Variants in OR52N4 observed in about 807,000 individuals in gnomAD.
OR52N4 encodes the protein olfactory receptor 52N4.
A neutral mutation model predicts 15.0 loss-of-function variants in OR52N4; 15 were observed. That is an observed-to-expected ratio of 1.00 (90% CI 0.67 to 1.54). OR52N4 has a LOEUF of 1.54. Ranked by LOEUF, OR52N4 falls within the 40% of genes most tolerant of loss-of-function variation. The pLI is 0.00. For synonymous variants in OR52N4, 143 were observed against 143.7 expected (o/e 1.00, Z 0.03); for missense variants, 421 against 394.0 (o/e 1.07, Z -0.58).
At chr11:5,732,151 G>T in the OR52N4 span, among the ~76,000 whole-genome samples, 1 of 152,160 alleles carries the variant, frequency 6.6e-6, no homozygotes, top group Non-Finnish European at 1.5e-5. Context: ...CTGTCTAACT[G>T]AACCTTTATA....
the OR52N4 span, among the ~76,000 whole-genome samples, chr11:5,740,590 T>C: frequency 1.7e-4 from 21 of 125,518 alleles, 5 homozygotes; most frequent in Admixed American, 6.1e-4. Flanking sequence ...AAGGGAGGTC[T>C]CTTGAGCCCA....
At chr11:5,752,551 T>A (rs61875862), upstream of OR52N4, among the ~76,000 whole-genome samples, 26,282 of 152,148 alleles carry the variant, frequency 0.17, 2,425 homozygotes, top group East Asian at 0.25. Context: ...CCAGCCTGAG[T>A]AGAAAATACA....
At chr11:5,744,035 G>C in the OR52N4 span, among the ~76,000 whole-genome samples, 1 of 152,052 alleles carries the variant, frequency 6.6e-6, no homozygotes, top group Non-Finnish European at 1.5e-5. Flanking sequence ...AACAATAAAA[G>C]TGATATGACA....
At chr11:5,750,957 A>G (rs1854177493), upstream of OR52N4, among the ~76,000 whole-genome samples, 1 of 151,954 alleles carries the variant, frequency 6.6e-6, no homozygotes, top group Non-Finnish European at 1.5e-5. Context: ...TCATATTAAC[A>G]TTGTCCCTCC....
At chr11:5,738,873 C>A in the OR52N4 span, among the ~76,000 whole-genome samples, 2 of 130,934 alleles carry the variant, frequency 1.5e-5, 1 homozygote, top group Non-Finnish European at 3.4e-5. Context: ...AACACATGCT[C>A]AGATTAATGC....
chr11:5,752,969 G>A (rs1854221010), upstream of OR52N4, among the ~76,000 whole-genome samples: 1 of 152,088 alleles, frequency 6.6e-6, no homozygotes, highest in Non-Finnish European at 1.5e-5. Context: ...TATGCATATA[G>A]TCATAGATTG....
the OR52N4 span, chr11:5,737,624 T>C: frequency 1.2e-6 from 1 of 800,430 alleles, no homozygotes; most frequent in Non-Finnish European, 1.8e-6. Flanking sequence ...TTGTGAAAGC[T>C]TCAGAAAAGA....
At chr11:5,738,517 A>T in the OR52N4 span, 1 of 151,972 alleles carries the variant, frequency 6.6e-6, no homozygotes, top group African/African-American at 2.4e-5. Flanking sequence ...AATTGTCTTC[A>T]AACTCACATT....
upstream of OR52N4, chr11:5,754,229 C>T (rs1411528146): frequency 6.6e-6 from 1 of 152,182 alleles, no homozygotes; most frequent in African/African-American, 2.4e-5. Flanking sequence ...TGCCTGAGTA[C>T]CCAAGAATAA....
the OR52N4 span, among the ~76,000 whole-genome samples, chr11:5,744,702 C>CAGG: frequency 0.79 from 119,856 of 151,714 alleles, 47,962 homozygotes; most frequent in Non-Finnish European, 0.86. Flanking sequence ...TACCTGAGGT[C>CAGG]AGGAGTTCGA....
upstream of OR52N4, among the ~76,000 whole-genome samples, chr11:5,751,192 T>C (rs1450173047): frequency 1.4e-5 from 2 of 143,346 alleles, no homozygotes; most frequent in African/African-American, 2.5e-5. Context: ...TATCTAAAAA[T>C]ATTATGTTTG....
chr11:5,729,469 A>G, the OR52N4 span, among the ~76,000 whole-genome samples: 4 of 152,256 alleles, frequency 2.6e-5, no homozygotes, highest in East Asian at 7.7e-4. Context: ...CTAACACTAC[A>G]GTTCATCAAC....
At chr11:5,729,119 T>C in the OR52N4 span, among the ~76,000 whole-genome samples, 26 of 100,392 alleles carry the variant, frequency 2.6e-4, no homozygotes, top group East Asian at 6.1e-4. Context: ...TTGAGATTTT[T>C]TTTTTTTTTT....
upstream of OR52N4, among the ~76,000 whole-genome samples, chr11:5,750,777 T>C (rs1854174081): frequency 6.6e-6 from 1 of 152,022 alleles, no homozygotes; most frequent in South Asian, 2.1e-4. Flanking sequence ...TAGAAAAACA[T>C]TTCATGTATT....
Position 5,755,295 on chromosome 11 carries a change from T to G in OR52N4, c.555T>G (p.Ser185=). 2 of 1,614,068 alleles carry G rather than the reference T, an allele frequency of 1.2e-6. No homozygotes were observed. The highest frequency in any genetic ancestry group is 1.7e-6 in the Non-Finnish European group (2 of 1,179,974). ...ILPHTYCDHM[S]VAKLSCGNVK... Reference sequence around the variant, plus strand: ...CCCATACCTACTGTGACCACATGTCTGTAGCCAAATTGTCCTGTGGTAATG... The same window carrying G: ...CCCATACCTACTGTGACCACATGTCGGTAGCCAAATTGTCCTGTGGTAATG... Residue 185 remains serine (S), a synonymous_variant, in exon 2 of 2, where the codon TCT becomes TCG. Coordinates refer to ENST00000641350, the MANE Select transcript of OR52N4 (RefSeq NM_001005175.5).
At chr11:5,736,950 T>C in the OR52N4 span, 1 of 1,614,104 alleles carries the variant, frequency 6.2e-7, no homozygotes, top group Non-Finnish European at 8.5e-7. Context: ...CCATCAATTG[T>C]CACCAGTTCC....
At chr11:5,742,115 AAGAG>A in the OR52N4 span, among the ~76,000 whole-genome samples, 1 of 151,990 alleles carries the variant, frequency 6.6e-6, no homozygotes, top group African/African-American at 2.4e-5. Context: ...ACAAGAACGA[AAGAG>A]AGAGAAAGAA....
chr11:5,753,988 CAAAAAAA>C (rs60504408), upstream of OR52N4, among the ~76,000 whole-genome samples: 1 of 79,666 alleles, frequency 1.3e-5, no homozygotes, highest in African/African-American at 5.1e-5. Flanking sequence ...GACTCTGCCT[CAAAAAAA>C]AAAAAAAAAA....
chr11:5,746,753 A>G, the OR52N4 span, among the ~76,000 whole-genome samples: 7 of 152,284 alleles, frequency 4.6e-5, no homozygotes, highest in African/African-American at 1.7e-4. Flanking sequence ...TCAAATAAAT[A>G]AAATTAGAAC....
Sources: allele counts gnomAD v4.1 joint callset (sites outside exome capture counted in the v4.1 genomes callset), GRCh38; gene constraint gnomAD v4.1.1; transcripts MANE v1.5; gene names NCBI Gene and HGNC (gene_info 2026-07-23, HGNC 2026-07-21).